The following C3orf49 variants were observed in gnomAD, a reference collection of about 807,000 sequenced individuals.
C3orf49 encodes the protein putative uncharacterized protein C3orf49.
A neutral mutation model predicts 13.3 loss-of-function variants in C3orf49; 27 were observed. The ratio of observed to expected loss-of-function variants is 2.02; its 90% CI spans 1.49 to 2.79. The LOEUF is 2.79. C3orf49 is among the 30% of genes most tolerant of loss of function. The pLI is 0.00. For missense variants in C3orf49, 242 were observed against 134.2 expected (o/e 1.80, Z -3.97); for synonymous variants, 87 against 47.6 (o/e 1.83, Z -3.40).
chr3:63,780,456 A>T, the C3orf49 span, among the ~76,000 whole-genome samples: 3 of 152,200 alleles, frequency 2.0e-5, no homozygotes, highest in Non-Finnish European at 4.4e-5. Flanking sequence ...ATACGTGTGC[A>T]TGTGTCCTTA....
At chr3:63,784,353 C>T in the C3orf49 span, among the ~76,000 whole-genome samples, 1 of 151,842 alleles carries the variant, frequency 6.6e-6, no homozygotes, top group Admixed American at 6.6e-5. Flanking sequence ...ATACACCAGG[C>T]CAAAAAGAAA....
chr3:63,824,012 G>A (rs1381974947), intron 2 of C3orf49, among the ~76,000 whole-genome samples: 1 of 152,046 alleles, frequency 6.6e-6, no homozygotes, highest in Non-Finnish European at 1.5e-5. Context: ...TATTGGCCAG[G>A]CTGGTCTTGA....
intron 5 of C3orf49, chr3:63,838,511 G>C: frequency 6.3e-7 from 1 of 1,575,958 alleles, no homozygotes; most frequent in Non-Finnish European, 8.6e-7. Context: ...TAATGAAAAA[G>C]AAAGAAAACC....
the C3orf49 span, among the ~76,000 whole-genome samples, chr3:63,794,562 C>A: frequency 3.3e-5 from 5 of 152,138 alleles, no homozygotes; most frequent in Admixed American, 6.5e-5. Context: ...CTTTCCTCAC[C>A]TATCATTCTC....
chr3:63,831,587 C>T lies in C3orf49; in HGVS notation c.685-93C>T, dbSNP rs542272906. The T allele has an allele frequency of 2.6e-5, 17 of 661,572 alleles. No homozygotes were observed. The East Asian group carries it at 4.3e-4, about 17-fold the overall frequency. 41.0% of individuals were successfully genotyped at this position (661,572 alleles called of 1,614,324 possible). A position where few individuals can be genotyped will look rare whatever the true frequency, so the allele number is the denominator to read the frequency against. On this transcript the variant is annotated intron_variant, in intron 4 of 6. Coordinates refer to ENST00000295896, the MANE Select transcript of C3orf49 (RefSeq NM_001355236.2). The stretch of plus-strand genomic sequence containing the variant: ...AGACTTGCAAAATGTCCGCCAGTTC[C>T]AGAACTCTTCTCTCAGGAAAAGCAA...
At chr3:63,820,972 T>A (rs1701386452) in intron 1 of C3orf49, among the ~76,000 whole-genome samples, 1 of 152,196 alleles carries the variant, frequency 6.6e-6, no homozygotes, top group Non-Finnish European at 1.5e-5. Flanking sequence ...GTTAATGGAT[T>A]TTCCCCATAA....
In C3orf49 at chr3:63,819,488, T is replaced by A. The variant is rs896610551; in HGVS notation, c.17T>A (p.Leu6Gln). 1 of 702,976 alleles carries A rather than the reference T, an allele frequency of 1.4e-6. No individual in the cohort carries two copies. The highest frequency in any genetic ancestry group is 1.7e-5 in the African/African-American group (1 of 57,388). 43.5% of individuals were successfully genotyped at this position (702,976 alleles called of 1,614,324 possible). A position where few individuals can be genotyped will look rare whatever the true frequency, so the allele number is the denominator to read the frequency against. The change falls in exon 1 of 7, where the codon CTG becomes CAG. Residue 6 changes from leucine to glutamine, a missense_variant. Physicochemically the swap from Leu to Gln is moderately radical, Grantham distance 113. Transcript: ENST00000295896. MAQPQLYLPEPFKIAY... is the reference protein window; with the variant it reads MAQPQQYLPEPFKIAY... Reference sequence around the variant, plus strand: ...TTGAGAGCAATGGCCCAACCTCAGCTGTATCTACCAGAACCCTTTAAGATT... The same window carrying A: ...TTGAGAGCAATGGCCCAACCTCAGCAGTATCTACCAGAACCCTTTAAGATT...
chr3:63,834,153 C>T, intron 5 of C3orf49: 1 of 1,614,046 alleles, frequency 6.2e-7, no homozygotes, highest in Non-Finnish European at 8.5e-7. Context: ...GATCTGTTTC[C>T]ATGCTTGCTT....
chr3:63,807,812 G>A, the C3orf49 span, among the ~76,000 whole-genome samples: 5 of 128,446 alleles, frequency 3.9e-5, no homozygotes, highest in East Asian at 2.2e-4. Flanking sequence ...AGCCCAGCTC[G>A]CCCCATTGCA....
the C3orf49 span, among the ~76,000 whole-genome samples, chr3:63,806,648 C>G: frequency 6.6e-6 from 1 of 152,236 alleles, no homozygotes; most frequent in Admixed American, 6.5e-5. Context: ...TGCAATTATC[C>G]CGAACTTCTT....
At chr3:63,808,835 AACAGTGAGGCAG>A in the C3orf49 span, among the ~76,000 whole-genome samples, 1 of 152,196 alleles carries the variant, frequency 6.6e-6, no homozygotes, top group Non-Finnish European at 1.5e-5. Flanking sequence ...TCCAGGAAAC[AACAGTGAGGCAG>A]ACACTGTCAG....
At chr3:63,793,841 T>C in the C3orf49 span, among the ~76,000 whole-genome samples, 4 of 152,098 alleles carry the variant, frequency 2.6e-5, no homozygotes. Flanking sequence ...TAGAATATGC[T>C]TGGGACAAAT....
At chr3:63,834,452 G>A (rs1443746717) in intron 5 of C3orf49, among the ~76,000 whole-genome samples, 1 of 151,800 alleles carries the variant, frequency 6.6e-6, no homozygotes, top group African/African-American at 2.4e-5. Flanking sequence ...CTGAGGTCAG[G>A]AATTCAAGAC....
chr3:63,780,019 T>A, the C3orf49 span: 1 of 152,208 alleles, frequency 6.6e-6, no homozygotes, highest in African/African-American at 2.4e-5. Context: ...CTTTAAGTTT[T>A]AGGGTACATG....
the C3orf49 span, among the ~76,000 whole-genome samples, chr3:63,800,578 A>G: frequency 6.6e-6 from 1 of 152,172 alleles, no homozygotes; most frequent in African/African-American, 2.4e-5. Context: ...ACATGTTTTG[A>G]GTGCTTATTA....
intron 5 of C3orf49, chr3:63,838,608 G>T: frequency 2.8e-6 from 3 of 1,085,412 alleles, no homozygotes; most frequent in Non-Finnish European, 3.9e-6. Context: ...AGTTCTGAGA[G>T]AATCATTTGC....
chr3:63,816,009 C>T (rs1701320645), upstream of C3orf49, among the ~76,000 whole-genome samples: 1 of 151,674 alleles, frequency 6.6e-6, no homozygotes, highest in South Asian at 2.1e-4. Flanking sequence ...TGGTCTCGAT[C>T]TCTTGACCTC....
chr3:63,816,651 C>T (rs188172406), upstream of C3orf49, among the ~76,000 whole-genome samples: 6 of 151,774 alleles, frequency 4.0e-5, no homozygotes, highest in East Asian at 1.2e-3. Context: ...AGATCAAGAC[C>T]AAAACCTTTA....
chr3:63,829,561 C>G (rs1701506229), intron 3 of C3orf49, among the ~76,000 whole-genome samples: 1 of 152,130 alleles, frequency 6.6e-6, no homozygotes, highest in Non-Finnish European at 1.5e-5. Flanking sequence ...AAAGATGGAG[C>G]AATTTGGCTA....
Sources: gnomAD v4.1 joint callset for allele counts (sites outside exome capture counted in the v4.1 genomes callset) on GRCh38, gnomAD v4.1.1 for gene constraint, MANE v1.5 for transcripts, NCBI Gene and HGNC (gene_info 2026-07-23, HGNC 2026-07-21) for gene names.